The following SLC2A13 variants were observed in gnomAD, a reference collection of about 807,000 sequenced individuals.
SLC2A13 encodes the protein solute carrier family 2 member 13, also known as proton myo-inositol cotransporter.
SLC2A13 carries 32 observed loss-of-function variants against 64.4 expected under a neutral mutation model. That is an observed-to-expected ratio of 0.50 (90% CI 0.37 to 0.67). SLC2A13 has a LOEUF of 0.67. Among genes scored for constraint, SLC2A13 ranks in the 30% least tolerant of loss-of-function variants. The pLI, the probability that SLC2A13 is intolerant of heterozygous loss-of-function variation, is 0.00. For missense variants in SLC2A13, 743 were observed against 829.2 expected (o/e 0.90, Z 1.28); for synonymous variants, 338 against 327.1 (o/e 1.03, Z -0.36).
At chr12:40,011,910 G>A (rs935909884) in intron 3 of SLC2A13, among the ~76,000 whole-genome samples, 7 of 152,134 alleles carry the variant, frequency 4.6e-5, no homozygotes, top group African/African-American at 1.7e-4. Context: ...TGAGTGCAGG[G>A]CTCTGGGCAG....
intron 3 of SLC2A13, among the ~76,000 whole-genome samples, chr12:40,016,730 C>A (rs1281270500): frequency 1.3e-5 from 2 of 152,134 alleles, no homozygotes; most frequent in African/African-American, 4.8e-5. Context: ...TTCCTAAATT[C>A]AGACAGTAAC....
intron 2 of SLC2A13, among the ~76,000 whole-genome samples, chr12:40,046,671 A>G (rs916543273): frequency 4.6e-5 from 7 of 151,690 alleles, no homozygotes; most frequent in African/African-American, 1.7e-4. Context: ...TTCCTGCTTC[A>G]GTTTAGCAAC....
At chr12:39,914,066 A>T (rs1223885752) in intron 4 of SLC2A13, among the ~76,000 whole-genome samples, 2 of 152,070 alleles carry the variant, frequency 1.3e-5, no homozygotes, top group Non-Finnish European at 2.9e-5. Flanking sequence ...CAGGAAAAAA[A>T]TAGTTAAATG....
intron 6 of SLC2A13, among the ~76,000 whole-genome samples, chr12:39,844,145 AAC>A (rs1469743452): frequency 6.6e-6 from 1 of 152,096 alleles, no homozygotes; most frequent in African/African-American, 2.4e-5. Flanking sequence ...AAAGCTGTGC[AAC>A]ACACATGCCT....
intron 4 of SLC2A13, among the ~76,000 whole-genome samples, chr12:39,948,784 A>T (rs186965551): frequency 6.6e-6 from 1 of 152,274 alleles, no homozygotes; most frequent in Admixed American, 6.5e-5. Context: ...AAAGAGTAAA[A>T]TTTTATATAC....
In SLC2A13 at chr12:39,909,318, TGAG is replaced by T. The variant is rs539847648; in HGVS notation, c.1035-37360_1035-37358del. Among the ~76,000 whole-genome samples, 783 of 152,092 alleles carry T rather than the reference TGAG, an allele frequency of 5.1e-3. 13 individuals carry two copies. Among genetic ancestry groups the T allele is most frequent in the African/African-American group, 0.018 (738 of 41,442 alleles). ...TCTTCTCTGAATCAGTTTTACAGGG[TGAG>T]GAGGATGACATTTACAATGGGACTA... On this transcript the variant is annotated intron_variant, in intron 4 of 9. Coordinates refer to ENST00000280871, the MANE Select transcript of SLC2A13 (RefSeq NM_052885.4).
At chr12:40,065,822 CA>C (rs1213631869) in intron 1 of SLC2A13, among the ~76,000 whole-genome samples, 1 of 152,138 alleles carries the variant, frequency 6.6e-6, no homozygotes, top group East Asian at 1.9e-4. Context: ...GCAGGTTTTA[CA>C]TAAGTGTTTT....
intron 2 of SLC2A13, among the ~76,000 whole-genome samples, chr12:40,036,643 C>A (rs149304757): frequency 6.6e-6 from 1 of 152,160 alleles, no homozygotes; most frequent in African/African-American, 2.4e-5. Context: ...GTCACTGATT[C>A]ATTTATCTAC....
At chr12:39,875,574 A>G (rs968779626) in intron 4 of SLC2A13, among the ~76,000 whole-genome samples, 1 of 152,216 alleles carries the variant, frequency 6.6e-6, no homozygotes, top group Admixed American at 6.5e-5. Context: ...AAACGTACTA[A>G]TAAGCAGTAA....
intron 1 of SLC2A13, among the ~76,000 whole-genome samples, chr12:40,072,528 C>T (rs1432681524): frequency 2.0e-5 from 3 of 152,032 alleles, no homozygotes; most frequent in Non-Finnish European, 4.4e-5. Flanking sequence ...ATTTTTTCCT[C>T]ACAGTTCTAC....
At chr12:39,919,280 T>C (rs1432944944) in intron 4 of SLC2A13, among the ~76,000 whole-genome samples, 1 of 152,138 alleles carries the variant, frequency 6.6e-6, no homozygotes, top group East Asian at 1.9e-4. Context: ...GTGGTAAACA[T>C]TCTTCTTGGC....
chr12:40,090,544 T>C (rs927635563), intron 1 of SLC2A13, among the ~76,000 whole-genome samples: 1 of 152,196 alleles, frequency 6.6e-6, no homozygotes, highest in African/African-American at 2.4e-5. Context: ...TAGGCAAAGT[T>C]TTAATGCTTA....
Position 39,760,190 on chromosome 12 carries a change from G to A in SLC2A13, c.1783C>T (p.Pro595Ser), listed in dbSNP as rs1490928943. 2 of 1,612,758 alleles carry A rather than the reference G, an allele frequency of 1.2e-6. No homozygotes were observed. Among genetic ancestry groups the A allele is most frequent in the South Asian group, 2.2e-5 (2 of 91,056 alleles). Reference protein sequence around the residue: ...VGLLFIYGCLPETKGKKLEEI... With the variant: ...VGLLFIYGCLSETKGKKLEEI... ...TCTAATTTTTTGCCTTTGGTCTCAG[G>A]AAGACAGCCATAGATGAAAAGGAGT... The change falls in exon 10 of 10, where the codon CCT becomes TCT. Residue 595 changes from proline (P) to serine (S), a missense_variant. This residue lies in a region of SLC2A13 where 295 missense variants were observed against 381.7 expected (regional missense o/e 0.77). Coordinates refer to ENST00000280871, the MANE Select transcript of SLC2A13 (RefSeq NM_052885.4).
At chr12:39,799,854 T>C (rs1355824732) in intron 7 of SLC2A13, among the ~76,000 whole-genome samples, 1 of 152,198 alleles carries the variant, frequency 6.6e-6, no homozygotes, top group African/African-American at 2.4e-5. Flanking sequence ...AGCAAGAAAC[T>C]TGGTAGAACT....
At chr12:39,864,726 GT>G (rs774672180) in intron 6 of SLC2A13, 35 bp downstream of exon 6, 2 of 1,606,962 alleles carry the variant, frequency 1.2e-6, no homozygotes, top group African/African-American at 2.7e-5. Flanking sequence ...AGTTACCAGA[GT>G]CATGTAAAGG....
intron 2 of SLC2A13, among the ~76,000 whole-genome samples, chr12:40,042,509 A>T (rs1464209903): frequency 6.6e-6 from 1 of 152,198 alleles, no homozygotes; most frequent in Non-Finnish European, 1.5e-5. Flanking sequence ...GTACCTGCAG[A>T]AACACATATA....
chr12:40,074,423 T>G (rs1439787387), intron 1 of SLC2A13, among the ~76,000 whole-genome samples: 1 of 152,134 alleles, frequency 6.6e-6, no homozygotes, highest in Non-Finnish European at 1.5e-5. Flanking sequence ...TGCCTCAGCC[T>G]CCCATAGCAT....
chr12:39,993,758 T>C (rs747215307), intron 3 of SLC2A13, among the ~76,000 whole-genome samples: 1 of 152,236 alleles, frequency 6.6e-6, no homozygotes, highest in Non-Finnish European at 1.5e-5. Flanking sequence ...TCTTATGTAA[T>C]GATTAGGAAA....
intron 7 of SLC2A13, among the ~76,000 whole-genome samples, chr12:39,779,050 C>A (rs1225438171): frequency 1.3e-5 from 2 of 152,186 alleles, no homozygotes; most frequent in Non-Finnish European, 2.9e-5. Flanking sequence ...ATATGAGACA[C>A]TTTCCCCCAG....
Sources: allele counts gnomAD v4.1 joint callset (sites outside exome capture counted in the v4.1 genomes callset), GRCh38; gene constraint gnomAD v4.1.1; regional missense constraint gnomAD v4.1.1; transcripts MANE v1.5; gene names NCBI Gene and HGNC (gene_info 2026-07-23, HGNC 2026-07-21).